Variants in RTN4 observed in about 807,000 individuals in gnomAD.
The protein encoded by RTN4 is reticulon 4, also known as reticulon-4.
Under a neutral mutation model 90.4 loss-of-function variants are expected in RTN4, and 32 were observed. The observed-to-expected ratio is 0.35, with a 90% CI of 0.27 to 0.48. The LOEUF is 0.48. Among genes scored for constraint, RTN4 ranks in the 20% least tolerant of loss-of-function variants. The pLI, the probability that RTN4 is intolerant of heterozygous loss-of-function variation, is 0.99. For synonymous variants in RTN4, 629 were observed against 552.5 expected (o/e 1.14, Z -1.94); for missense variants, 1,706 against 1,430.2 (o/e 1.19, Z -3.11).
At chr2:55,106,751 C>T (rs1348058420) in intron 1 of RTN4, among the ~76,000 whole-genome samples, 1 of 151,950 alleles carries the variant, frequency 6.6e-6, no homozygotes, top group Non-Finnish European at 1.5e-5. Flanking sequence ...AACACCTGAC[C>T]CCAGGTGATC....
intron 6 of RTN4, among the ~76,000 whole-genome samples, chr2:54,974,474 T>G (rs1677438992): frequency 6.6e-6 from 1 of 152,176 alleles, no homozygotes; most frequent in Non-Finnish European, 1.5e-5. Context: ...AGAAATGGGG[T>G]TTCACCATGT....
intron 5 of RTN4, among the ~76,000 whole-genome samples, chr2:54,976,375 C>G (rs941448733): frequency 6.6e-6 from 1 of 152,132 alleles, no homozygotes; most frequent in Non-Finnish European, 1.5e-5. Context: ...AAGAGAAGAA[C>G]ACAGGGAGGT....
rs1465893475 is a variant in RTN4 at position 54,985,245 on chromosome 2, G to A, written c.3221+2246C>T. ...CATGATCACAGCTCACTGCAGCCTTGAACTCCTGGGTTCTAGCAATTTTCT... is the reference window on the plus strand; with the variant it reads ...CATGATCACAGCTCACTGCAGCCTTAAACTCCTGGGTTCTAGCAATTTTCT... On this transcript the variant is annotated intron_variant, in intron 4 of 8. Transcript: ENST00000337526. 5.7e-5 allele frequency among the ~76,000 whole-genome samples: 7 copies of A among 123,302 alleles called. No homozygotes were observed. In the East Asian group the frequency reaches 1.6e-3, roughly 29 times the overall value. 80.9% of individuals were successfully genotyped at this position (123,302 alleles called of 152,430 possible). A position where few individuals can be genotyped will look rare whatever the true frequency, so the allele number is the denominator to read the frequency against.
chr2:55,040,822 T>G (rs944766581), intron 1 of RTN4, among the ~76,000 whole-genome samples: 1 of 152,072 alleles, frequency 6.6e-6, no homozygotes, highest in African/African-American at 2.4e-5. Flanking sequence ...TTAATTTTTT[T>G]CTTAATATTG....
At chr2:55,030,401 A>C (rs896461140) in intron 1 of RTN4, among the ~76,000 whole-genome samples, 2 of 152,184 alleles carry the variant, frequency 1.3e-5, no homozygotes, top group Non-Finnish European at 2.9e-5. Context: ...ACATTTCTAA[A>C]AGCTCTTTAA....
intron 3 of RTN4, among the ~76,000 whole-genome samples, chr2:54,995,428 G>A (rs1290769590): frequency 1.3e-5 from 2 of 152,118 alleles, no homozygotes; most frequent in South Asian, 2.1e-4. Flanking sequence ...ACTGTGGTAG[G>A]AGCACCTCCT....
At chr2:55,055,500 G>A (rs1384303805), upstream of RTN4, among the ~76,000 whole-genome samples, 1 of 152,168 alleles carries the variant, frequency 6.6e-6, no homozygotes, top group Non-Finnish European at 1.5e-5. Context: ...GGGCGCGGTG[G>A]CTCACGCCTG....
chr2:54,978,967 A>G (rs1294745084), intron 5 of RTN4, among the ~76,000 whole-genome samples: 2 of 152,206 alleles, frequency 1.3e-5, no homozygotes, highest in East Asian at 1.9e-4. Context: ...GTGACAGAAT[A>G]TAACTTTCCC....
chr2:55,020,247 C>G (rs545770390), intron 3 of RTN4, among the ~76,000 whole-genome samples: 1 of 152,140 alleles, frequency 6.6e-6, no homozygotes, highest in South Asian at 2.1e-4. Flanking sequence ...AAAGCAAAAG[C>G]AATCCTGAAC....
At chr2:55,085,214 A>G (rs184417475) in intron 1 of RTN4, among the ~76,000 whole-genome samples, 2 of 152,294 alleles carry the variant, frequency 1.3e-5, no homozygotes, top group East Asian at 3.9e-4. Flanking sequence ...ATAACAGGAG[A>G]TATATACACA....
the RTN4 span, among the ~76,000 whole-genome samples, chr2:55,127,338 G>A: frequency 6.6e-6 from 1 of 152,124 alleles, no homozygotes; most frequent in South Asian, 2.1e-4. Flanking sequence ...TTCACGCTTG[G>A]GCAGCTTTCA....
At chr2:55,029,268 T>A (rs1414858085) in intron 1 of RTN4, among the ~76,000 whole-genome samples, 1 of 152,168 alleles carries the variant, frequency 6.6e-6, no homozygotes, top group Non-Finnish European at 1.5e-5. Context: ...TCCAGAATTG[T>A]GAGAAGTAAA....
chr2:55,107,593 C>G (rs570217480), intron 1 of RTN4, among the ~76,000 whole-genome samples: 1 of 151,870 alleles, frequency 6.6e-6, no homozygotes, highest in African/African-American at 2.4e-5. Flanking sequence ...CTTATTTGAA[C>G]AACAAGGCTG....
At chr2:55,124,646 C>T in the RTN4 span, among the ~76,000 whole-genome samples, 3 of 152,158 alleles carry the variant, frequency 2.0e-5, no homozygotes, top group Non-Finnish European at 4.4e-5. Flanking sequence ...CTGGCCATAG[C>T]AATTTACAGA....
intron 1 of RTN4, among the ~76,000 whole-genome samples, chr2:55,034,342 A>T (rs143010053): frequency 1.1e-3 from 170 of 152,132 alleles, no homozygotes; most frequent in African/African-American, 4.0e-3. Flanking sequence ...CTCTCCAAAA[A>T]AATTAAAACA....
At chr2:54,995,333 T>C (rs1558780441) in intron 3 of RTN4, among the ~76,000 whole-genome samples, 1 of 152,152 alleles carries the variant, frequency 6.6e-6, no homozygotes, top group South Asian at 2.1e-4. Context: ...AGAAAGATTT[T>C]TTAAAACACA....
chr2:54,996,378 G>C (rs1366048068), intron 3 of RTN4, among the ~76,000 whole-genome samples: 1 of 152,014 alleles, frequency 6.6e-6, no homozygotes, highest in Non-Finnish European at 1.5e-5. Flanking sequence ...AAAAAATCAA[G>C]AAAAACTTGA....
At position 54,998,558 on chromosome 2, in the gene RTN4, T is replaced by C. The variant is rs368631142; in HGVS notation, c.3014-10860A>G. 2.6e-5 allele frequency among the ~76,000 whole-genome samples: 4 copies of C among 152,172 alleles called. No individual in the cohort carries two copies. In the East Asian group the frequency reaches 5.8e-4, roughly 22 times the overall value. On this transcript the variant is annotated intron_variant, in intron 3 of 8. Coordinates refer to ENST00000337526, the MANE Select transcript of RTN4 (RefSeq NM_020532.5). ...TCTACATTTATTAAATAACAAATAA[T>C]GCTTTCAGGTAATTTATAAAAAAGA...
At chr2:55,127,902 C>A in the RTN4 span, among the ~76,000 whole-genome samples, 1 of 151,962 alleles carries the variant, frequency 6.6e-6, no homozygotes, top group South Asian at 2.1e-4. Context: ...CAGAACCACA[C>A]CTCTCTGTGA....
Sources: gnomAD v4.1 joint callset for allele counts (sites outside exome capture counted in the v4.1 genomes callset) on GRCh38, gnomAD v4.1.1 for gene constraint, MANE v1.5 for transcripts, NCBI Gene and HGNC (gene_info 2026-07-23, HGNC 2026-07-21) for gene names.